Variants in PIP5K1B observed in about 807,000 individuals in gnomAD.
PIP5K1B encodes the protein phosphatidylinositol-4-phosphate 5-kinase type 1 beta, also known as phosphatidylinositol 4-phosphate 5-kinase type-1 beta.
In PIP5K1B, 42 loss-of-function variants were observed where a neutral mutation model predicts 67.0. The ratio of observed to expected loss-of-function variants is 0.63; its 90% CI spans 0.49 to 0.81. The LOEUF (loss-of-function observed/expected upper bound fraction) is 0.81, where lower values mean the gene tolerates loss of function less well. Among genes scored for constraint, PIP5K1B ranks in the 30% least tolerant of loss-of-function variants. The pLI, the probability that PIP5K1B is intolerant of heterozygous loss-of-function variation, is 0.00. For missense variants in PIP5K1B, 459 were observed against 646.3 expected, an observed-to-expected ratio of 0.71 and a Z score of 3.14; for synonymous variants, 214 against 231.4, an observed-to-expected ratio of 0.92 and a Z score of 0.68.
At chr9:68,992,943 G>A (rs569745535) in intron 15 of PIP5K1B, among the ~76,000 whole-genome samples, 24 of 151,632 alleles carry the variant, frequency 1.6e-4, no homozygotes, top group African/African-American at 5.6e-4. Context: ...AGCATCAGGA[G>A]GTCAGGAGTT....
intron 1 of PIP5K1B, among the ~76,000 whole-genome samples, chr9:68,715,418 C>A (rs1028195267): frequency 6.6e-6 from 1 of 152,182 alleles, no homozygotes; most frequent in African/African-American, 2.4e-5. Context: ...GCCACACTTG[C>A]AACTGCCAGC....
chr9:68,888,229 C>T (rs1564207762), intron 6 of PIP5K1B, among the ~76,000 whole-genome samples: 1 of 152,198 alleles, frequency 6.6e-6, no homozygotes, highest in Non-Finnish European at 1.5e-5. Context: ...CCACCCGCCT[C>T]AGCCTCCCAA....
chr9:68,949,951 ATGGT>A (rs1417971660), intron 14 of PIP5K1B, among the ~76,000 whole-genome samples: 2 of 152,260 alleles, frequency 1.3e-5, no homozygotes, highest in African/African-American at 4.8e-5. Flanking sequence ...AATGTAAACT[ATGGT>A]TGGTTTACAC....
intron 4 of PIP5K1B, among the ~76,000 whole-genome samples, chr9:68,836,165 A>C (rs1587529736): frequency 6.6e-6 from 1 of 152,176 alleles, no homozygotes. Context: ...AAAGAAAATC[A>C]TGAACAAACT....
chr9:68,793,342 C>G (rs946411236), intron 2 of PIP5K1B, among the ~76,000 whole-genome samples: 1 of 152,152 alleles, frequency 6.6e-6, no homozygotes, highest in Non-Finnish European at 1.5e-5. Context: ...AATAGGAACA[C>G]TCCTGCTGTG....
chr9:68,731,403 C>G (rs756841205), intron 1 of PIP5K1B, among the ~76,000 whole-genome samples: 7 of 152,166 alleles, frequency 4.6e-5, no homozygotes, highest in Non-Finnish European at 1.0e-4. Context: ...TGATGTTGAC[C>G]ACTTCCATAG....
chr9:68,974,437 T>G (rs1829537684), intron 14 of PIP5K1B, among the ~76,000 whole-genome samples: 1 of 152,196 alleles, frequency 6.6e-6, no homozygotes, highest in African/African-American at 2.4e-5. Flanking sequence ...ACGCCTAGCC[T>G]TGATCCTTAA....
intron 2 of PIP5K1B, among the ~76,000 whole-genome samples, chr9:68,802,315 G>A (rs1161648596): frequency 2.0e-5 from 3 of 152,216 alleles, no homozygotes; most frequent in African/African-American, 4.8e-5. Flanking sequence ...CTTAAAAAAT[G>A]AGACATCCTT....
chr9:68,749,555 G>A (rs567069874), intron 2 of PIP5K1B, among the ~76,000 whole-genome samples: 1 of 152,308 alleles, frequency 6.6e-6, no homozygotes, highest in East Asian at 1.9e-4. Flanking sequence ...GGAAGTGAAT[G>A]CACTTCTCTT....
In PIP5K1B at chr9:68,934,952, C is replaced by G; in HGVS notation, c.1264C>G (p.Gln422Glu). Reference protein sequence around the residue: ...NSIAALKATSQEIVSSISQEW... With the variant: ...NSIAALKATSEEIVSSISQEW... ...AATCGCCGCCCTAAAGGCCACTTCACAGGAGATTGTGTCCTCAATTAGCCA... is the reference window on the plus strand; with the variant it reads ...AATCGCCGCCCTAAAGGCCACTTCAGAGGAGATTGTGTCCTCAATTAGCCA... Residue 422 changes from glutamine to glutamate, a missense_variant, in exon 13 of 16, where the codon CAG becomes GAG. Physicochemically the swap from Gln to Glu is conservative, Grantham distance 29. Around this residue, in one of 2 missense-constraint regions of PIP5K1B, gnomAD observed 169 missense variants for 171.9 expected, o/e 0.98. Transcript: ENST00000265382. The G allele has an allele frequency of 6.2e-7, 1 of 1,613,528 alleles. No individual in the cohort carries two copies. Among genetic ancestry groups the G allele is most frequent in the Non-Finnish European group, 8.5e-7 (1 of 1,179,572 alleles).
intron 6 of PIP5K1B, 63 bp from the exon 7 acceptor site, chr9:68,888,918 C>T: frequency 8.8e-7 from 1 of 1,140,950 alleles, no homozygotes; most frequent in South Asian, 1.4e-5. Context: ...CTATGATTGT[C>T]CTCCTTGGAG....
intron 5 of PIP5K1B, among the ~76,000 whole-genome samples, chr9:68,875,257 C>A (rs1823823317): frequency 1.6e-5 from 2 of 128,112 alleles, no homozygotes; most frequent in Non-Finnish European, 3.1e-5. Context: ...GGTGCTGACC[C>A]CTAACAACAC....
At chr9:68,951,246 G>T (rs1375769262) in intron 14 of PIP5K1B, among the ~76,000 whole-genome samples, 1 of 152,162 alleles carries the variant, frequency 6.6e-6, no homozygotes, top group Non-Finnish European at 1.5e-5. Flanking sequence ...ACTTAAAAAT[G>T]ACCAGATTTG....
At chr9:68,871,562 A>G (rs565035073) in intron 5 of PIP5K1B, among the ~76,000 whole-genome samples, 3 of 152,340 alleles carry the variant, frequency 2.0e-5, no homozygotes, top group Admixed American at 1.3e-4. Flanking sequence ...GAAGAGGTGA[A>G]TATCAGAATG....
At chr9:68,877,023 T>C (rs1823931250) in intron 6 of PIP5K1B, among the ~76,000 whole-genome samples, 1 of 152,246 alleles carries the variant, frequency 6.6e-6, no homozygotes, top group Admixed American at 6.5e-5. Flanking sequence ...TTTAAATAAC[T>C]ATAATATCAG....
intron 2 of PIP5K1B, among the ~76,000 whole-genome samples, chr9:68,797,044 A>G (rs1832331588): frequency 6.6e-6 from 1 of 152,222 alleles, no homozygotes; most frequent in South Asian, 2.1e-4. Flanking sequence ...GAAAAGGAGT[A>G]AAAGAGATGA....
intron 4 of PIP5K1B, among the ~76,000 whole-genome samples, chr9:68,842,283 G>A (rs565623432): frequency 6.6e-6 from 1 of 152,338 alleles, no homozygotes; most frequent in East Asian, 1.9e-4. Context: ...GTGGACAGTG[G>A]TACACACACT....
At chr9:68,722,154 A>G (rs1564087909) in intron 1 of PIP5K1B, among the ~76,000 whole-genome samples, 2 of 152,060 alleles carry the variant, frequency 1.3e-5, no homozygotes, top group African/African-American at 2.4e-5. Context: ...CAGGGATCAT[A>G]TCTTTGCCTG....
chr9:68,811,752 T>A (rs756116606), intron 2 of PIP5K1B, among the ~76,000 whole-genome samples: 4 of 152,196 alleles, frequency 2.6e-5, no homozygotes, highest in Non-Finnish European at 5.9e-5. Flanking sequence ...ACCAATTCCA[T>A]GTATTAAATA....
Sources: gnomAD v4.1 joint callset for allele counts (sites outside exome capture counted in the v4.1 genomes callset) on GRCh38, gnomAD v4.1.1 for gene constraint, gnomAD v4.1.1 regional missense constraint, MANE v1.5 for transcripts, NCBI Gene and HGNC (gene_info 2026-07-23, HGNC 2026-07-21) for gene names.